The following CNBD1 variants were observed in gnomAD, a reference collection of about 807,000 sequenced individuals.
The protein encoded by CNBD1 is cyclic nucleotide-binding domain-containing protein 1.
Under a neutral mutation model 54.4 loss-of-function variants are expected in CNBD1, and 71 were observed. The ratio of observed to expected loss-of-function variants is 1.30; its 90% CI spans 1.08 to 1.59. The LOEUF is 1.59. Ranked by LOEUF, CNBD1 falls within the 40% of genes most tolerant of loss-of-function variation. CNBD1 has a pLI of 0.00. For missense variants in CNBD1, 659 were observed against 518.0 expected, an observed-to-expected ratio of 1.27 and a Z score of -2.64; for synonymous variants, 182 against 170.7, an observed-to-expected ratio of 1.07 and a Z score of -0.51.
At chr8:86,896,073 T>C (rs1808843451) in intron 2 of CNBD1, among the ~76,000 whole-genome samples, 1 of 152,152 alleles carries the variant, frequency 6.6e-6, no homozygotes, top group Admixed American at 6.5e-5. Context: ...GAGTTTATTT[T>C]TGTGTATGGC....
chr8:87,229,178 C>T (rs564023038), intron 5 of CNBD1, among the ~76,000 whole-genome samples: 1 of 152,166 alleles, frequency 6.6e-6, no homozygotes, highest in Non-Finnish European at 1.5e-5. Context: ...GAACCCGGTA[C>T]CTCAGATGGA....
chr8:87,338,617 TTG>T (rs1473507813), intron 8 of CNBD1, among the ~76,000 whole-genome samples: 221 of 133,072 alleles, frequency 1.7e-3, no homozygotes, highest in African/African-American at 5.5e-3. Context: ...CATTTTTTCT[TTG>T]TTTTTTTTTT....
intron 9 of CNBD1, among the ~76,000 whole-genome samples, 159 bp downstream of exon 9, chr8:87,351,953 A>C (rs1219485505): frequency 6.6e-6 from 1 of 152,174 alleles, no homozygotes; most frequent in Non-Finnish European, 1.5e-5. Context: ...TTTAGTTATA[A>C]GATATAAGAA....
intron 8 of CNBD1, among the ~76,000 whole-genome samples, chr8:87,333,812 A>T (rs964488464): frequency 6.6e-6 from 1 of 152,088 alleles, no homozygotes; most frequent in African/African-American, 2.4e-5. Context: ...TATCAGGGAT[A>T]TTGGCCTGAA....
At chr8:87,416,236 A>T (rs1017938612) in intron 2 of CNBD1, among the ~76,000 whole-genome samples, 4 of 152,060 alleles carry the variant, frequency 2.6e-5, no homozygotes, top group Admixed American at 2.6e-4. Context: ...ATAGAATAAG[A>T]AGATAAAAAT....
intron 4 of CNBD1, among the ~76,000 whole-genome samples, chr8:86,940,414 G>T (rs1809633536): frequency 6.6e-6 from 1 of 152,100 alleles, no homozygotes; most frequent in Non-Finnish European, 1.5e-5. Flanking sequence ...TGATCTGCCT[G>T]CCTCGGCCTC....
intron 8 of CNBD1, among the ~76,000 whole-genome samples, chr8:87,287,283 A>T (rs1808717217): frequency 6.6e-6 from 1 of 152,142 alleles, no homozygotes; most frequent in Non-Finnish European, 1.5e-5. Context: ...TATGAAAGCC[A>T]ATTTAACAAG....
At chr8:87,419,197 A>T (rs894077116) in intron 2 of CNBD1, among the ~76,000 whole-genome samples, 2 of 151,974 alleles carry the variant, frequency 1.3e-5, no homozygotes, top group African/African-American at 4.8e-5. Context: ...AAAAAGCTAC[A>T]TATTGTACGA....
intron 4 of CNBD1, among the ~76,000 whole-genome samples, chr8:87,071,764 C>T (rs1230218338): frequency 2.0e-5 from 3 of 151,786 alleles, no homozygotes; most frequent in Non-Finnish European, 4.4e-5. Flanking sequence ...TGTCATGTGG[C>T]GATAAGAAGA....
chr8:86,890,288 C>A (rs1808749188), intron 2 of CNBD1, among the ~76,000 whole-genome samples: 2 of 152,130 alleles, frequency 1.3e-5, no homozygotes, highest in South Asian at 4.1e-4. Context: ...ATTCTACTCT[C>A]TGCTTCCACG....
intron 6 of CNBD1, among the ~76,000 whole-genome samples, chr8:87,266,704 G>A (rs911829858): frequency 3.3e-5 from 5 of 151,814 alleles, no homozygotes; most frequent in South Asian, 4.2e-4. Flanking sequence ...TGCCTACCTC[G>A]GTCTCCCAAA....
At chr8:87,286,080 A>G (rs1258384662) in intron 7 of CNBD1, among the ~76,000 whole-genome samples, 1 of 152,150 alleles carries the variant, frequency 6.6e-6, no homozygotes, top group Non-Finnish European at 1.5e-5. Context: ...TAGTGGTCCC[A>G]GTGTCAGTAG....
chr8:87,377,364 C>T (rs550351828), intron 10 of CNBD1, among the ~76,000 whole-genome samples: 461 of 149,100 alleles, frequency 3.1e-3, no homozygotes, highest in African/African-American at 0.011. Flanking sequence ...CATGTGTTCT[C>T]CTTGTTCAAT....
At chr8:87,421,583 T>C (rs1267875601) in intron 2 of CNBD1, among the ~76,000 whole-genome samples, 1 of 152,076 alleles carries the variant, frequency 6.6e-6, no homozygotes, top group Non-Finnish European at 1.5e-5. Flanking sequence ...ATTTCATCCA[T>C]GTCCCTACAA....
chr8:87,115,268 T>C (rs1354453835), intron 4 of CNBD1, among the ~76,000 whole-genome samples: 4 of 152,192 alleles, frequency 2.6e-5, no homozygotes, highest in Admixed American at 2.6e-4. Flanking sequence ...CTGAGATACA[T>C]GCAGTACTTA....
At chr8:87,049,009 G>A (rs1043301323) in intron 4 of CNBD1, among the ~76,000 whole-genome samples, 2 of 152,192 alleles carry the variant, frequency 1.3e-5, no homozygotes, top group Non-Finnish European at 2.9e-5. Context: ...TGTGCTCTGA[G>A]TGTAACCATC....
At chr8:87,135,078 A>C (rs1812200770) in intron 4 of CNBD1, among the ~76,000 whole-genome samples, 1 of 152,070 alleles carries the variant, frequency 6.6e-6, no homozygotes. Context: ...CCAGTACGTA[A>C]ATTTTCCATT....
At chr8:86,979,936 ATTACT>A (rs766678387) in intron 4 of CNBD1, among the ~76,000 whole-genome samples, 5 of 152,230 alleles carry the variant, frequency 3.3e-5, no homozygotes, top group African/African-American at 4.8e-5. Flanking sequence ...TTTAGATTGA[ATTACT>A]TTACTTATAA....
intron 10 of CNBD1, among the ~76,000 whole-genome samples, chr8:87,371,838 C>A (rs932654739): frequency 1.3e-5 from 2 of 151,898 alleles, no homozygotes; most frequent in African/African-American, 4.8e-5. Context: ...GGACATATCT[C>A]AAAATAATAA....
Sources: allele counts gnomAD v4.1 joint callset (sites outside exome capture counted in the v4.1 genomes callset), GRCh38; gene constraint gnomAD v4.1.1; transcripts MANE v1.5; gene names NCBI Gene and HGNC (gene_info 2026-07-23, HGNC 2026-07-21).